FSBP: variants seen among roughly 807,000 people sequenced by gnomAD.
FSBP encodes the protein fibrinogen silencer binding protein.
FSBP carries 18 observed loss-of-function variants against 24.6 expected under a neutral mutation model. The observed-to-expected ratio is 0.73, with a 90% confidence interval of 0.51 to 1.08. The LOEUF is 1.08. Among genes scored for constraint, FSBP ranks in the 50% least tolerant of loss-of-function variants. FSBP has a pLI of 0.00. For missense variants in FSBP, 305 were observed against 347.6 expected (o/e 0.88, Z 0.98); for synonymous variants, 110 against 125.8 (o/e 0.87, Z 0.84).
intron 1 of FSBP, among the ~76,000 whole-genome samples, chr8:94,432,885 T>A (rs1315029477): frequency 1.3e-5 from 2 of 152,080 alleles, no homozygotes; most frequent in African/African-American, 4.8e-5. Context: ...AATTGTGCTT[T>A]AAAGGAGCAG....
chr8:94,434,552 T>C (rs1280662970), intron 1 of FSBP, among the ~76,000 whole-genome samples: 1 of 151,872 alleles, frequency 6.6e-6, no homozygotes, highest in East Asian at 1.9e-4. Context: ...CAAACACTAG[T>C]ATTTTCCTTA....
In FSBP at chr8:94,429,667, G is replaced by A. The variant is rs1262341588; in HGVS notation, c.*2464C>T. 9.2e-6 allele frequency: 9 copies of A among 983,080 alleles called. No individual in the cohort carries two copies. The highest frequency in any genetic ancestry group is 1.1e-5 in the Non-Finnish European group (9 of 827,990). The allele number at this position is 983,080 out of a possible 1,614,324, so 60.9% of individuals were successfully genotyped here. ...AAATTAAGAATTACAAGATTCATTA[G>A]ACTCAAAGAAAAGTCATAGCACAGA... On this transcript the variant is annotated 3_prime_UTR_variant, in exon 2 of 2. Coordinates refer to ENST00000481490, the MANE Select transcript of FSBP (RefSeq NM_001256141.2).
At position 94,431,809 on chromosome 8, in the gene FSBP, G is replaced by A. The variant is rs757149589; in HGVS notation, c.*322C>T. 3.0e-6 allele frequency: 3 copies of A among 1,008,640 alleles called. No homozygotes were observed. Among genetic ancestry groups the A allele is most frequent in the Non-Finnish European group, 3.6e-6 (3 of 842,406 alleles). 62.5% of individuals were successfully genotyped at this position (1,008,640 alleles called of 1,614,324 possible). A position where few individuals can be genotyped will look rare whatever the true frequency, so the allele number is the denominator to read the frequency against. ...TTTCAAAGTTCTAACTAAAAATGTT[G>A]AAGACTCAGAACTTTGAAAGAATAT... On this transcript the variant is annotated 3_prime_UTR_variant, in exon 2 of 2. Transcript: ENST00000481490.
At position 94,430,530 on chromosome 8, in the gene FSBP, C is replaced by A. The variant is rs766515854; in HGVS notation, c.*1601G>T. ...AGGGTTTATTAAAAGAGATTGCTGA[C>A]ACCCCCAGGGTTTCTAATTCACTTG... On this transcript the variant is annotated 3_prime_UTR_variant, in exon 2 of 2. Coordinates refer to ENST00000481490, the MANE Select transcript of FSBP (RefSeq NM_001256141.2). 12 of 835,362 alleles carry A rather than the reference C, an allele frequency of 1.4e-5. No individual in the cohort carries two copies. Among genetic ancestry groups the A allele is most frequent in the Non-Finnish European group, 1.7e-5 (12 of 693,662 alleles). 51.7% of individuals were successfully genotyped at this position (835,362 alleles called of 1,614,324 possible).
In FSBP at chr8:94,428,960, T is replaced by C. The variant is rs115726003; in HGVS notation, c.*3171A>G. ...ATGGTCAAATAAATAATTTTCTTTA[T>C]ACAGGAATTCTCATAAACTATACTA... is the stretch of plus-strand genomic sequence containing the variant. On this transcript the variant is annotated 3_prime_UTR_variant, in exon 2 of 2. Coordinates refer to ENST00000481490, the MANE Select transcript of FSBP (RefSeq NM_001256141.2). 1.2e-3 allele frequency: 1,205 copies of C among 982,926 alleles called. 15 individuals carry two copies. In the African/African-American group the frequency reaches 0.019, roughly 16 times the overall value. The allele number at this position is 982,926 out of a possible 1,614,324, so 60.9% of individuals were successfully genotyped here. A position where few individuals can be genotyped will look rare whatever the true frequency, so the allele number is the denominator to read the frequency against.
intron 1 of FSBP, among the ~76,000 whole-genome samples, chr8:94,433,776 T>C (rs992464803): frequency 2.6e-5 from 4 of 151,794 alleles, no homozygotes; most frequent in Non-Finnish European, 5.9e-5. Flanking sequence ...TGAACATGAA[T>C]GGAAATACTT....
In FSBP at chr8:94,429,724, T is replaced by C; in HGVS notation, c.*2407A>G. 1.0e-6 allele frequency: 1 copy of C among 983,852 alleles called. No individual in the cohort carries two copies. Among genetic ancestry groups the C allele is most frequent in the Non-Finnish European group, 1.2e-6 (1 of 828,496 alleles). The allele number at this position is 983,852 out of a possible 1,614,324, so 60.9% of individuals were successfully genotyped here. Reference sequence around the variant, plus strand: ...AGAAAAGGTAACATTGTCAAAAGGATATATCAAGTTATATATTCAGGACAT... The same window carrying C: ...AGAAAAGGTAACATTGTCAAAAGGACATATCAAGTTATATATTCAGGACAT... On this transcript the variant is annotated 3_prime_UTR_variant, in exon 2 of 2. Coordinates refer to ENST00000481490, the MANE Select transcript of FSBP (RefSeq NM_001256141.2).
At position 94,428,351 on chromosome 8, in the gene FSBP, T is replaced by G; in HGVS notation, c.*3780A>C. On this transcript the variant is annotated 3_prime_UTR_variant, in exon 2 of 2. Coordinates refer to ENST00000481490, the MANE Select transcript of FSBP (RefSeq NM_001256141.2). ...TATGCAAGATGTCTGGTGGCTTAAG[T>G]GTATAGTCATCCCTCAGTATCCAAG... 1.0e-6 allele frequency: 1 copy of G among 980,576 alleles called. No homozygotes were observed. Among genetic ancestry groups the G allele is most frequent in the Non-Finnish European group, 1.2e-6 (1 of 825,534 alleles). The allele number at this position is 980,576 out of a possible 1,614,324, so 60.7% of individuals were successfully genotyped here. A position where few individuals can be genotyped will look rare whatever the true frequency, so the allele number is the denominator to read the frequency against.
chr8:94,434,282 T>C (rs1812198369), intron 1 of FSBP, among the ~76,000 whole-genome samples: 1 of 151,856 alleles, frequency 6.6e-6, no homozygotes, highest in Admixed American at 6.6e-5. Context: ...ATATGCCTCA[T>C]ATCTGGAACA....
chr8:94,431,571 T>G lies in FSBP; in HGVS notation c.*560A>C. On this transcript the variant is annotated 3_prime_UTR_variant, in exon 2 of 2. Transcript: ENST00000481490. ...CCATAAATAGCTTTGTTACCCTAAG[T>G]AAGTCATTGAGTTCTCCCTGGACCT... 4 of 938,766 alleles carry G rather than the reference T, an allele frequency of 4.3e-6. No homozygotes were observed. Among genetic ancestry groups the G allele is most frequent in the Non-Finnish European group, 5.1e-6 (4 of 787,470 alleles). The allele number at this position is 938,766 out of a possible 1,614,324, so 58.2% of individuals were successfully genotyped here.
At position 94,436,830 on chromosome 8, in the gene FSBP, G is replaced by A. The variant is rs760014065; in HGVS notation, c.39C>T (p.Ser13=). 2.7e-5 allele frequency: 42 copies of A among 1,544,124 alleles called. No individual in the cohort carries two copies. The highest frequency in any genetic ancestry group is 4.0e-5 in the Admixed American group (2 of 49,662). The change falls in exon 1 of 2, where the codon TCC becomes TCT. Residue 13 remains serine, a synonymous_variant. Coordinates refer to ENST00000481490, the MANE Select transcript of FSBP (RefSeq NM_001256141.2). ...GKARSSNFTL[S]EKLDLLKLVK... is the part of the protein sequence containing the mutation. ...CAAGCTTTAGCAAATCAAGCTTTTCGGATAAGGTAAAATTGGAAGATCTAG... is the reference window on the plus strand; with the variant it reads ...CAAGCTTTAGCAAATCAAGCTTTTCAGATAAGGTAAAATTGGAAGATCTAG...
chr8:94,436,456 G>A, intron 1 of FSBP, 39 bp downstream of exon 1: 1 of 1,488,568 alleles, frequency 6.7e-7, no homozygotes, highest in Non-Finnish European at 8.9e-7. Context: ...TAGATAGGAG[G>A]CGCCATAATT....
chr8:94,427,767 C>A lies in FSBP; in HGVS notation c.*4364G>T. The A allele has an allele frequency of 1.0e-6, 1 of 964,904 alleles. No homozygotes were observed. Among genetic ancestry groups the A allele is most frequent in the Non-Finnish European group, 1.2e-6 (1 of 811,428 alleles). 59.8% of individuals were successfully genotyped at this position (964,904 alleles called of 1,614,324 possible). A position where few individuals can be genotyped will look rare whatever the true frequency, so the allele number is the denominator to read the frequency against. On this transcript the variant is annotated 3_prime_UTR_variant, in exon 2 of 2. Transcript: ENST00000481490. ...GAACATGTGTTAACAAAGCATTTAA[C>A]CATCATTATCTACAGTATATATTAA...
chr8:94,430,296 G>T lies in FSBP; in HGVS notation c.*1835C>A. ...ACTGCACTCCAACCTAGGTGACAAAGCAAGACTCCATCTCAAAAAAAAAAA... is the reference window on the plus strand; with the variant it reads ...ACTGCACTCCAACCTAGGTGACAAATCAAGACTCCATCTCAAAAAAAAAAA... On this transcript the variant is annotated 3_prime_UTR_variant, in exon 2 of 2. Coordinates refer to ENST00000481490, the MANE Select transcript of FSBP (RefSeq NM_001256141.2). 1 of 934,146 alleles carries T rather than the reference G, an allele frequency of 1.1e-6. No homozygotes were observed. The highest frequency in any genetic ancestry group is 1.3e-6 in the Non-Finnish European group (1 of 792,750). 57.9% of individuals were successfully genotyped at this position (934,146 alleles called of 1,614,324 possible).
Position 94,428,292 on chromosome 8 carries a change from T to C in FSBP, c.*3839A>G. 1 of 981,474 alleles carries C rather than the reference T, an allele frequency of 1.0e-6. No individual in the cohort carries two copies. Among genetic ancestry groups the C allele is most frequent in the Non-Finnish European group, 1.2e-6 (1 of 826,330 alleles). The allele number at this position is 981,474 out of a possible 1,614,324, so 60.8% of individuals were successfully genotyped here. ...GTTCTCCCAGCATTACATTTTGTAA[T>C]TAAAGCTCATGGACCCCAAACAATT... is the stretch of plus-strand genomic sequence containing the variant. On this transcript the variant is annotated 3_prime_UTR_variant, in exon 2 of 2. Transcript: ENST00000481490.
In FSBP at chr8:94,431,524, C is replaced by T; in HGVS notation, c.*607G>A. ...GGGATGGAAATTACACAAAGAAAAA[C>T]TAAGTGCTGGTCTCTGCTCTGCCAT... is the stretch of plus-strand genomic sequence containing the variant. On this transcript the variant is annotated 3_prime_UTR_variant, in exon 2 of 2. Coordinates refer to ENST00000481490, the MANE Select transcript of FSBP (RefSeq NM_001256141.2). The T allele has an allele frequency of 1.0e-6, 1 of 978,934 alleles. No homozygotes were observed. Among genetic ancestry groups the T allele is most frequent in the East Asian group, 1.1e-4 (1 of 8,764 alleles). 60.6% of individuals were successfully genotyped at this position (978,934 alleles called of 1,614,324 possible). A position where few individuals can be genotyped will look rare whatever the true frequency, so the allele number is the denominator to read the frequency against.
chr8:94,430,987 T>G lies in FSBP; in HGVS notation c.*1144A>C, dbSNP rs745371778. On this transcript the variant is annotated 3_prime_UTR_variant, in exon 2 of 2. Coordinates refer to ENST00000481490, the MANE Select transcript of FSBP (RefSeq NM_001256141.2). ...TTGTCTTTTTTCCAGCGTCTCACTC[T>G]TGACTTCAAACACCCATGGTCCCCT... 33 of 985,366 alleles carry G rather than the reference T, an allele frequency of 3.3e-5. No homozygotes were observed. Among genetic ancestry groups the G allele is most frequent in the Non-Finnish European group, 4.0e-5 (33 of 829,914 alleles). 61.0% of individuals were successfully genotyped at this position (985,366 alleles called of 1,614,324 possible). A position where few individuals can be genotyped will look rare whatever the true frequency, so the allele number is the denominator to read the frequency against.
Position 94,431,611 on chromosome 8 carries a change from A to C in FSBP, c.*520T>G. The stretch of plus-strand genomic sequence containing the variant: ...TCCCTGGACCTGTTTCATTACCCCT[A>C]AACTGCAGAGATGGAAAAAAAGTGT... On this transcript the variant is annotated 3_prime_UTR_variant, in exon 2 of 2. Coordinates refer to ENST00000481490, the MANE Select transcript of FSBP (RefSeq NM_001256141.2). The C allele has an allele frequency of 3.2e-6, 3 of 925,770 alleles. No individual in the cohort carries two copies. The highest frequency in any genetic ancestry group is 3.9e-6 in the Non-Finnish European group (3 of 775,742). The allele number at this position is 925,770 out of a possible 1,614,324, so 57.3% of individuals were successfully genotyped here.
At position 94,429,785 on chromosome 8, in the gene FSBP, A is replaced by G. The variant is rs1278168910; in HGVS notation, c.*2346T>C. 5.1e-6 allele frequency: 5 copies of G among 985,348 alleles called. No homozygotes were observed. The highest frequency in any genetic ancestry group is 6.0e-6 in the Non-Finnish European group (5 of 829,840). The allele number at this position is 985,348 out of a possible 1,614,324, so 61.0% of individuals were successfully genotyped here. A position where few individuals can be genotyped will look rare whatever the true frequency, so the allele number is the denominator to read the frequency against. ...AAAGAAGTTAACTCTACCAGCTATA[A>G]AACACCCTCTTTTTAATCCAACCAA... is the stretch of plus-strand genomic sequence containing the variant. On this transcript the variant is annotated 3_prime_UTR_variant, in exon 2 of 2. Transcript: ENST00000481490.
Sources: allele counts gnomAD v4.1 joint callset (sites outside exome capture counted in the v4.1 genomes callset), GRCh38; gene constraint gnomAD v4.1.1; transcripts MANE v1.5; gene names NCBI Gene and HGNC (gene_info 2026-07-23, HGNC 2026-07-21).